Variants in GAS7 observed in about 807,000 individuals in gnomAD.
GAS7 encodes growth arrest specific 7, also known as growth arrest-specific protein 7.
In GAS7, 28 loss-of-function variants were observed where a neutral mutation model predicts 71.1. The observed-to-expected ratio is 0.39, with a 90% CI of 0.29 to 0.54. GAS7 has a LOEUF of 0.54. GAS7 is among the 20% of genes least tolerant of loss of function. The probability of loss-of-function intolerance (pLI) is 0.62; values close to 1 mark genes in which losing one functional copy is unlikely to be tolerated. For missense variants in GAS7, 436 were observed against 627.8 expected, an observed-to-expected ratio of 0.69 and a Z score of 3.27; for synonymous variants, 258 against 245.8, an observed-to-expected ratio of 1.05 and a Z score of -0.46.
At chr17:10,030,419 C>T (rs886950899) in intron 1 of GAS7, among the ~76,000 whole-genome samples, 3 of 152,214 alleles carry the variant, frequency 2.0e-5, no homozygotes, top group East Asian at 1.9e-4. Flanking sequence ...CGGCTAATTT[C>T]GGGCCTGGGC....
rs1194358722 is a variant in GAS7 at position 10,198,563 on chromosome 17, G to C, written c.-173C>G. 3 of 394,904 alleles carry C rather than the reference G, an allele frequency of 7.6e-6. No individual in the cohort carries two copies. The highest frequency in any genetic ancestry group is 1.3e-5 in the Non-Finnish European group (3 of 228,830). 24.5% of individuals were successfully genotyped at this position (394,904 alleles called of 1,614,324 possible). A position where few individuals can be genotyped will look rare whatever the true frequency, so the allele number is the denominator to read the frequency against. On this transcript the variant is annotated 5_prime_UTR_variant, in exon 1 of 14. Coordinates refer to ENST00000432992, the MANE Select transcript of GAS7 (RefSeq NM_201433.2). ...GGCAGGCGGGGGACGCGCGCTCCGC[G>C]CCGGGAAGCAGAGACTCGTTGGCTT...
At chr17:10,014,755 T>C (rs2071922957) in intron 2 of GAS7, among the ~76,000 whole-genome samples, 1 of 152,174 alleles carries the variant, frequency 6.6e-6, no homozygotes, top group African/African-American at 2.4e-5. Flanking sequence ...CTGCAGGTTC[T>C]GAGATCACAG....
intron 8 of GAS7, among the ~76,000 whole-genome samples, chr17:9,937,355 C>T (rs991104773): frequency 6.6e-6 from 1 of 152,212 alleles, no homozygotes; most frequent in Non-Finnish European, 1.5e-5. Context: ...GGCAGCAGCC[C>T]AGGCTGGAGA....
At chr17:9,940,955 C>T (rs946511597) in intron 7 of GAS7, among the ~76,000 whole-genome samples, 3 of 152,222 alleles carry the variant, frequency 2.0e-5, no homozygotes, top group African/African-American at 7.2e-5. Context: ...TTATGCCAAC[C>T]AGAGCTGGCC....
At chr17:10,036,987 G>T (rs1270267808) in intron 1 of GAS7, among the ~76,000 whole-genome samples, 1 of 152,210 alleles carries the variant, frequency 6.6e-6, no homozygotes, top group Non-Finnish European at 1.5e-5. Flanking sequence ...TCACAGCTCT[G>T]GTCCTGGCCC....
At chr17:10,159,065 CATATATATAT>C (rs745794234) in intron 1 of GAS7, among the ~76,000 whole-genome samples, 951 of 59,998 alleles carry the variant, frequency 0.016, 139 homozygotes, top group African/African-American at 0.061. Flanking sequence ...GTCTCTAAAA[CATATATATAT>C]ATATATATAT....
Position 9,940,182 on chromosome 17 carries a change from G to A in GAS7, c.750C>T (p.Asp250=). 3 of 1,612,754 alleles carry A rather than the reference G, an allele frequency of 1.9e-6. No individual in the cohort carries two copies. The East Asian group carries it at 6.7e-5, about 36-fold the overall frequency. ...FIRERIKIEE[D]YAKNLAKLSQ... ...AGAGCTTAGCTAAGTTCTTCGCATA[G>A]TCTTCTTCAATCTTTATCCTGCAAA... The change falls in exon 8 of 14, where the codon GAC becomes GAT. Residue 250 remains aspartate, a synonymous_variant. Transcript: ENST00000432992.
At chr17:9,958,225 C>T (rs1295383107) in intron 5 of GAS7, among the ~76,000 whole-genome samples, 6 of 152,132 alleles carry the variant, frequency 3.9e-5, no homozygotes, top group Non-Finnish European at 7.3e-5. Context: ...CGTTCATCAT[C>T]GTTATACTAT....
chr17:10,066,408 G>T (rs1263661190), intron 1 of GAS7, among the ~76,000 whole-genome samples: 1 of 152,180 alleles, frequency 6.6e-6, no homozygotes. Flanking sequence ...TCAAACTCCC[G>T]ACCTCAGGTG....
At chr17:9,922,196 AGATGATGAT>A (rs35613552) in intron 11 of GAS7, among the ~76,000 whole-genome samples, 8 of 100,288 alleles carry the variant, frequency 8.0e-5, no homozygotes, top group Admixed American at 2.9e-4. Context: ...GTGGTGATGA[AGATGATGAT>A]GATGATGATG....
intron 4 of GAS7, among the ~76,000 whole-genome samples, chr17:9,965,841 G>T (rs999379032): frequency 4.6e-5 from 7 of 151,980 alleles, no homozygotes; most frequent in Non-Finnish European, 8.8e-5. Flanking sequence ...ACCCATCCAG[G>T]TCTCCAAGGG....
chr17:10,060,711 G>A (rs1300432332), intron 1 of GAS7, among the ~76,000 whole-genome samples: 3 of 152,236 alleles, frequency 2.0e-5, no homozygotes, highest in Non-Finnish European at 4.4e-5. Context: ...AGGATGCAGA[G>A]CAACTGGAAT....
intron 2 of GAS7, among the ~76,000 whole-genome samples, chr17:10,013,275 A>C (rs768061746): frequency 3.9e-5 from 6 of 152,076 alleles, no homozygotes; most frequent in Non-Finnish European, 8.8e-5. Flanking sequence ...GTGATAAATA[A>C]ATTTCCATTG....
At chr17:10,002,397 G>A (rs2071301140) in intron 2 of GAS7, among the ~76,000 whole-genome samples, 2 of 149,764 alleles carry the variant, frequency 1.3e-5, no homozygotes, top group Non-Finnish European at 2.9e-5. Context: ...CTATACTCCA[G>A]GAAGACCACA....
At chr17:10,069,269 G>A (rs1168226430) in intron 1 of GAS7, among the ~76,000 whole-genome samples, 2 of 152,134 alleles carry the variant, frequency 1.3e-5, no homozygotes, top group East Asian at 3.9e-4. Context: ...TACTTGAAGG[G>A]ATTTCCCCTT....
chr17:10,093,270 T>C (rs752409655), intron 1 of GAS7, among the ~76,000 whole-genome samples: 3 of 152,138 alleles, frequency 2.0e-5, no homozygotes, highest in South Asian at 2.1e-4. Flanking sequence ...AGCCTTTATA[T>C]TGAGTTTTTT....
At position 9,919,309 on chromosome 17, in the gene GAS7, T is replaced by C. The variant is rs1195962790; in HGVS notation, c.1218+317A>G. On this transcript the variant is annotated intron_variant, in intron 12 of 13. Transcript: ENST00000432992. The surrounding 1 kb of genome is among the most constrained non-coding windows in gnomAD (Gnocchi z 5.0). ...CCTCTCTTCCTATAGCTTGGCTATT[T>C]TTCCTAAAGAGGCCCTTGTCCACTT... Among the ~76,000 whole-genome samples, 5 of 152,102 alleles carry C rather than the reference T, an allele frequency of 3.3e-5. No homozygotes were observed. In the South Asian group the frequency reaches 8.3e-4, roughly 25 times the overall value.
intron 1 of GAS7, among the ~76,000 whole-genome samples, chr17:10,138,697 G>A (rs2074058807): frequency 6.6e-6 from 1 of 152,006 alleles, no homozygotes. Flanking sequence ...AACCCGGGAG[G>A]TGGAGGTTGC....
At chr17:10,156,368 C>T (rs993356459) in intron 1 of GAS7, among the ~76,000 whole-genome samples, 3 of 152,174 alleles carry the variant, frequency 2.0e-5, no homozygotes, top group African/African-American at 7.2e-5. Context: ...ATCCCCCACC[C>T]CATATGTCTG....
Sources: gnomAD v4.1 joint callset for allele counts (sites outside exome capture counted in the v4.1 genomes callset) on GRCh38, gnomAD v4.1.1 for gene constraint, Gnocchi (gnomAD v3.1) non-coding constraint, MANE v1.5 for transcripts, NCBI Gene and HGNC (gene_info 2026-07-23, HGNC 2026-07-21) for gene names.